DPP10: variants seen among roughly 807,000 people sequenced by gnomAD.
DPP10 encodes inactive dipeptidyl peptidase 10.
A neutral mutation model predicts 120.9 loss-of-function variants in DPP10; 33 were observed. The observed-to-expected ratio is 0.27, with a 90% CI of 0.21 to 0.37. The LOEUF (loss-of-function observed/expected upper bound fraction) is 0.37. DPP10 is among the 10% of genes least tolerant of loss of function. DPP10 has a pLI of 1.00. For synonymous variants in DPP10, 337 were observed against 326.1 expected, an observed-to-expected ratio of 1.03 and a Z score of -0.36; for missense variants, 816 against 942.8, an observed-to-expected ratio of 0.87 and a Z score of 1.76.
intron 1 of DPP10, among the ~76,000 whole-genome samples, chr2:115,138,184 T>C (rs2050745551): frequency 6.6e-6 from 1 of 152,206 alleles, no homozygotes; most frequent in African/African-American, 2.4e-5. Context: ...GAAAAAAGCT[T>C]ATCAATTTTT....
chr2:114,716,920 C>G (rs2105889771), intron 1 of DPP10, among the ~76,000 whole-genome samples: 1 of 152,262 alleles, frequency 6.6e-6, no homozygotes, highest in South Asian at 2.1e-4. Flanking sequence ...TACAATGGCA[C>G]AACTATCACA....
chr2:114,954,102 A>G (rs544361780), intron 1 of DPP10, among the ~76,000 whole-genome samples: 1 of 66,986 alleles, frequency 1.5e-5, no homozygotes, highest in Admixed American at 1.7e-4. Context: ...TTTTTTTGAT[A>G]CAGAGTCTCA....
At chr2:115,589,987 C>T (rs2082531877) in intron 5 of DPP10, among the ~76,000 whole-genome samples, 1 of 152,066 alleles carries the variant, frequency 6.6e-6, no homozygotes, top group Non-Finnish European at 1.5e-5. Flanking sequence ...AACCCTCTAA[C>T]ACTTTGAAGC....
intron 3 of DPP10, among the ~76,000 whole-genome samples, chr2:115,437,873 A>G (rs1449969314): frequency 6.6e-6 from 1 of 152,134 alleles, no homozygotes; most frequent in Non-Finnish European, 1.5e-5. Flanking sequence ...TTTTATTCAA[A>G]CAATATAATT....
chr2:114,802,112 A>C (rs911311227), intron 1 of DPP10, among the ~76,000 whole-genome samples: 3 of 152,198 alleles, frequency 2.0e-5, no homozygotes, highest in Non-Finnish European at 2.9e-5. Flanking sequence ...AGCCTGGTAA[A>C]GACAAATATT....
chr2:115,184,874 A>G (rs1200863602), intron 1 of DPP10, among the ~76,000 whole-genome samples: 1 of 152,222 alleles, frequency 6.6e-6, no homozygotes. Context: ...CCTGAGAAAC[A>G]GTTATGAAAA....
chr2:114,697,914 G>A (rs946494785), intron 1 of DPP10, among the ~76,000 whole-genome samples: 28 of 152,138 alleles, frequency 1.8e-4, no homozygotes, highest in African/African-American at 6.0e-4. Flanking sequence ...TCTTACAACT[G>A]TAACTTATAG....
intron 1 of DPP10, among the ~76,000 whole-genome samples, chr2:114,513,635 G>GAA (rs1684354438): frequency 6.7e-6 from 1 of 150,088 alleles, no homozygotes; most frequent in African/African-American, 2.4e-5. Flanking sequence ...AAGAAAGAAA[G>GAA]AAAGAAAGAA....
At chr2:115,479,983 A>C (rs1052817860) in intron 3 of DPP10, among the ~76,000 whole-genome samples, 1 of 152,072 alleles carries the variant, frequency 6.6e-6, no homozygotes, top group Non-Finnish European at 1.5e-5. Flanking sequence ...TAATAGAACA[A>C]ATTCTGATAG....
chr2:115,572,635 G>C (rs2081404920), intron 5 of DPP10, among the ~76,000 whole-genome samples: 1 of 152,128 alleles, frequency 6.6e-6, no homozygotes, highest in South Asian at 2.1e-4. Context: ...AAGGTCATCT[G>C]ATCTAGATAA....
chr2:114,548,104 C>A (rs1449415324), intron 1 of DPP10, among the ~76,000 whole-genome samples: 1 of 152,118 alleles, frequency 6.6e-6, no homozygotes, highest in Non-Finnish European at 1.5e-5. Flanking sequence ...GCCCAGCTCA[C>A]CTTTAGCAGG....
At chr2:114,495,022 ATCTG>A (rs1323044081) in intron 1 of DPP10, among the ~76,000 whole-genome samples, 5 of 152,166 alleles carry the variant, frequency 3.3e-5, no homozygotes, top group Admixed American at 2.0e-4. Context: ...CTTTAAAAAA[ATCTG>A]TCTAAGTAAA....
intron 1 of DPP10, among the ~76,000 whole-genome samples, chr2:114,880,920 T>C (rs1691550006): frequency 6.6e-6 from 1 of 152,096 alleles, no homozygotes; most frequent in African/African-American, 2.4e-5. Context: ...CAAAGAAGAT[T>C]GAGGCAAAGG....
chr2:115,512,989 C>A (rs2077312360), intron 4 of DPP10, among the ~76,000 whole-genome samples: 1 of 151,976 alleles, frequency 6.6e-6, no homozygotes, highest in Non-Finnish European at 1.5e-5. Flanking sequence ...AAGTCTCCAA[C>A]TATTTATTAT....
chr2:115,058,392 A>T (rs1408645771), intron 1 of DPP10, among the ~76,000 whole-genome samples: 1 of 151,288 alleles, frequency 6.6e-6, no homozygotes, highest in Admixed American at 6.6e-5. Context: ...TTACATTTCC[A>T]ACTCTTTGTC....
intron 1 of DPP10, among the ~76,000 whole-genome samples, chr2:114,963,189 A>G (rs1698773484): frequency 6.6e-6 from 1 of 152,192 alleles, no homozygotes; most frequent in Non-Finnish European, 1.5e-5. Context: ...TTCATTTTTA[A>G]GTATGGGCCA....
chr2:114,529,240 C>A (rs960669517), intron 1 of DPP10, among the ~76,000 whole-genome samples: 28 of 152,070 alleles, frequency 1.8e-4, no homozygotes, highest in African/African-American at 6.0e-4. Flanking sequence ...GTTAGTGACT[C>A]CTTTGCTACA....
intron 1 of DPP10, among the ~76,000 whole-genome samples, chr2:115,026,869 T>C (rs1207910352): frequency 1.3e-5 from 2 of 152,332 alleles, no homozygotes; most frequent in South Asian, 2.1e-4. Context: ...ATATCCTTGG[T>C]ATTTTGATAG....
intron 1 of DPP10, among the ~76,000 whole-genome samples, chr2:114,780,572 A>G (rs17043546): frequency 0.042 from 6,397 of 152,224 alleles, 215 homozygotes; most frequent in Middle Eastern, 0.083. Flanking sequence ...TTTAAATTTT[A>G]CAATAGCTAT....
Sources: allele counts gnomAD v4.1 joint callset (sites outside exome capture counted in the v4.1 genomes callset), GRCh38; gene constraint gnomAD v4.1.1; transcripts MANE v1.5; gene names NCBI Gene and HGNC (gene_info 2026-07-23, HGNC 2026-07-21).